The following RAPGEF5 variants were observed in gnomAD, a reference collection of about 807,000 sequenced individuals.
RAPGEF5 encodes Rap guanine nucleotide exchange factor 5, also known as M-Ras-regulated GEF.
Under a neutral mutation model 125.2 loss-of-function variants are expected in RAPGEF5, and 65 were observed. The observed-to-expected ratio is 0.52, with a 90% confidence interval of 0.43 to 0.64. The LOEUF (loss-of-function observed/expected upper bound fraction) is 0.64. Ranked by LOEUF, RAPGEF5 falls within the 30% of genes least tolerant of loss-of-function variation. RAPGEF5 has a pLI of 0.00. For missense variants in RAPGEF5, 958 were observed against 1,048.1 expected (o/e 0.91, Z 1.19); for synonymous variants, 391 against 385.9 (o/e 1.01, Z -0.16).
At chr7:22,142,170 T>C (rs1783284738) in intron 20 of RAPGEF5, among the ~76,000 whole-genome samples, 1 of 152,166 alleles carries the variant, frequency 6.6e-6, no homozygotes, top group Non-Finnish European at 1.5e-5. Flanking sequence ...TACCCCTGGG[T>C]CCCTTCACCT....
At chr7:22,270,084 G>A (rs779715877) in intron 6 of RAPGEF5, among the ~76,000 whole-genome samples, 36 of 152,218 alleles carry the variant, frequency 2.4e-4, no homozygotes, top group South Asian at 4.1e-4. Flanking sequence ...GCTTACTTGT[G>A]TTGACCAGGA....
Position 22,175,537 on chromosome 7 carries a change from C to T in RAPGEF5, c.1205-8389G>A, listed in dbSNP as rs571905307. On this transcript the variant is annotated intron_variant, in intron 11 of 25. Coordinates refer to ENST00000665637, the MANE Select transcript of RAPGEF5 (RefSeq NM_012294.5). ...TAGAATGTGGGAATTGTCATGGGCA[C>T]GAAGCCTTCAGCACCAATCTGCCAG... 5.9e-5 allele frequency among the ~76,000 whole-genome samples: 9 copies of T among 152,198 alleles called. No homozygotes were observed. In the South Asian group the frequency reaches 6.2e-4, roughly 11 times the overall value.
Position 22,219,902 on chromosome 7 carries a change from C to A in RAPGEF5, c.960G>T (p.Leu320Phe). ...TCTCCTGTTCTTTTTTGTCCGTCTGCAAAAACTGATAGTTTTCTTTTGCCA... is the reference window on the plus strand; with the variant it reads ...TCTCCTGTTCTTTTTTGTCCGTCTGAAAAAACTGATAGTTTTCTTTTGCCA... ...QKLAKENYQF[L>F]QTDKKEQEKS... is the part of the protein sequence containing the mutation. Residue 320 changes from leucine to phenylalanine, a missense_variant, in exon 9 of 26, where the codon TTG (leucine) becomes TTT (phenylalanine). Physicochemically the swap from Leu to Phe is conservative, Grantham distance 22. Transcript: ENST00000665637. 6.2e-7 allele frequency: 1 copy of A among 1,613,174 alleles called. No individual in the cohort carries two copies. Among genetic ancestry groups the A allele is most frequent in the Non-Finnish European group, 8.5e-7 (1 of 1,179,360 alleles).
At chr7:22,347,765 A>G (rs1784251046) in intron 1 of RAPGEF5, among the ~76,000 whole-genome samples, 1 of 152,216 alleles carries the variant, frequency 6.6e-6, no homozygotes, top group South Asian at 2.1e-4. Flanking sequence ...CATCTGCGAC[A>G]TAAGATTGTT....
chr7:22,156,549 T>C (rs78573321), intron 16 of RAPGEF5, among the ~76,000 whole-genome samples: 3,582 of 152,348 alleles, frequency 0.024, 53 homozygotes, highest in Middle Eastern at 0.065. Context: ...TTCTCAAGAA[T>C]GCAAGGAGGC....
chr7:22,242,788 C>T (rs561862347), intron 7 of RAPGEF5, among the ~76,000 whole-genome samples: 1 of 152,052 alleles, frequency 6.6e-6, no homozygotes, highest in African/African-American at 2.4e-5. Flanking sequence ...TCCATCTCTA[C>T]TAAAACTACA....
chr7:22,280,872 A>G (rs1011517012), intron 6 of RAPGEF5, among the ~76,000 whole-genome samples: 6 of 152,220 alleles, frequency 3.9e-5, no homozygotes, highest in Non-Finnish European at 7.3e-5. Context: ...CATTCAAACA[A>G]TCTAGGTGAG....
chr7:22,128,706 A>C (rs188755015), intron 24 of RAPGEF5, among the ~76,000 whole-genome samples: 273 of 152,296 alleles, frequency 1.8e-3, no homozygotes, highest in African/African-American at 6.4e-3. Context: ...AGGGGTCAGC[A>C]TGAGGCATGC....
At chr7:22,131,012 G>A in intron 24 of RAPGEF5, 25 bp downstream of exon 24, 1 of 1,538,332 alleles carries the variant, frequency 6.5e-7, no homozygotes, top group Non-Finnish European at 8.8e-7. Flanking sequence ...CTGTAAAAAA[G>A]GGAGAAGTAA....
chr7:22,286,957 G>A (rs1045312996), intron 6 of RAPGEF5, among the ~76,000 whole-genome samples: 6 of 152,188 alleles, frequency 3.9e-5, no homozygotes, highest in Non-Finnish European at 7.3e-5. Flanking sequence ...ACTTGCAGTC[G>A]ATGAAAAGAG....
intron 6 of RAPGEF5, among the ~76,000 whole-genome samples, chr7:22,269,981 G>T (rs1432246548): frequency 6.6e-6 from 1 of 152,208 alleles, no homozygotes; most frequent in African/African-American, 2.4e-5. Context: ...AGCCCCGGAG[G>T]AGAACAGGTG....
intron 25 of RAPGEF5, 130 bp downstream of exon 25, chr7:22,125,474 A>ATG: frequency 1.2e-6 from 1 of 823,554 alleles, no homozygotes; most frequent in Non-Finnish European, 2.0e-6. Context: ...CTATATATAT[A>ATG]CAATATGCGT....
chr7:22,147,096 C>T, intron 18 of RAPGEF5, 77 bp from the exon 19 acceptor site: 1 of 1,530,200 alleles, frequency 6.5e-7, no homozygotes, highest in Non-Finnish European at 8.8e-7. Context: ...TAGAAAGGCA[C>T]TAGAAGCTCA....
At chr7:22,327,325 T>TTCCAG (rs1344297226) in intron 1 of RAPGEF5, among the ~76,000 whole-genome samples, 3 of 152,252 alleles carry the variant, frequency 2.0e-5, no homozygotes, top group Non-Finnish European at 2.9e-5. Context: ...GCATTTTGGA[T>TTCCAG]TCCAGATTCT....
At chr7:22,191,524 C>A (rs946755731) in intron 11 of RAPGEF5, 11 of 470,238 alleles carry the variant, frequency 2.3e-5, no homozygotes, top group African/African-American at 1.2e-4. Context: ...GTGACCCCAA[C>A]CAACCCCTTC....
At chr7:22,136,781 C>A (rs1783091012) in intron 22 of RAPGEF5, among the ~76,000 whole-genome samples, 152 bp downstream of exon 22, 1 of 152,102 alleles carries the variant, frequency 6.6e-6, no homozygotes, top group African/African-American at 2.4e-5. Context: ...TGCTTCCCTC[C>A]ATAAGAAGCA....
intron 5 of RAPGEF5, among the ~76,000 whole-genome samples, chr7:22,302,250 A>G (rs1429614092): frequency 6.6e-6 from 1 of 152,228 alleles, no homozygotes. Flanking sequence ...CATGTTTGGT[A>G]AAATCTTTCT....
intron 16 of RAPGEF5, 69 bp downstream of exon 16, chr7:22,156,741 G>A: frequency 6.2e-7 from 1 of 1,605,456 alleles, no homozygotes; most frequent in South Asian, 1.1e-5. Context: ...AGGCTGATAT[G>A]CCAATGTAGG....
rs184962149 is a variant in RAPGEF5 at position 22,154,487 on chromosome 7, T to C, written c.1754A>G (p.Asp585Gly). 663 of 1,613,838 alleles carry C rather than the reference T, an allele frequency of 4.1e-4. 3 individuals carry two copies. The African/African-American group carries it at 7.5e-3, about 18-fold the overall frequency. ...VAEKIQYAEEDLALVAITFSG... is the reference protein window; with the variant it reads ...VAEKIQYAEEGLALVAITFSG... ...GAATGTGATGGCCACCAGAGCCAGA[T>C]CCTCTTCTGCATACTGGATCTTTTC... Residue 585 changes from aspartate (D) to glycine (G), a missense_variant, in exon 17 of 26, where the codon GAT becomes GGT. Physicochemically the swap from Asp to Gly is moderately conservative, Grantham distance 94. Transcript: ENST00000665637.
Sources: allele counts gnomAD v4.1 joint callset (sites outside exome capture counted in the v4.1 genomes callset), GRCh38; gene constraint gnomAD v4.1.1; transcripts MANE v1.5; gene names NCBI Gene and HGNC (gene_info 2026-07-23, HGNC 2026-07-21).